The following ZBTB8A variants were observed in gnomAD, a reference collection of about 807,000 sequenced individuals.
The protein encoded by ZBTB8A is zinc finger and BTB domain containing 8A, also known as zinc finger and BTB domain-containing protein 8A.
Under a neutral mutation model 37.8 loss-of-function variants are expected in ZBTB8A, and 19 were observed. The observed-to-expected ratio is 0.50, with a 90% CI of 0.35 to 0.74. ZBTB8A has a LOEUF of 0.74. Ranked by LOEUF, ZBTB8A falls within the 30% of genes least tolerant of loss-of-function variation. The pLI is 0.01. For synonymous variants in ZBTB8A, 181 were observed against 185.2 expected, an observed-to-expected ratio of 0.98 and a Z score of 0.19; for missense variants, 394 against 537.8, an observed-to-expected ratio of 0.73 and a Z score of 2.65.
intron 1 of ZBTB8A, among the ~76,000 whole-genome samples, chr1:32,552,943 ATAT>A (rs1644168994): frequency 6.7e-6 from 1 of 148,620 alleles, no homozygotes; most frequent in African/African-American, 2.4e-5. Context: ...TCTATATTAT[ATAT>A]TAATATTAAT....
intron 2 of ZBTB8A, among the ~76,000 whole-genome samples, chr1:32,561,087 A>G (rs1306449014): frequency 9.0e-6 from 1 of 111,720 alleles, no homozygotes; most frequent in Non-Finnish European, 1.7e-5. Flanking sequence ...CCCCACCCCA[A>G]TGCTTACAGG....
Position 32,600,665 on chromosome 1 carries a change from C to T in ZBTB8A, c.*246C>T, listed in dbSNP as rs942626115. ...TTGGCTTGATGGATGAACAATTATCCTCTTACTTTCATTACAATCCTCTTA... is the reference window on the plus strand; with the variant it reads ...TTGGCTTGATGGATGAACAATTATCTTCTTACTTTCATTACAATCCTCTTA... On this transcript the variant is annotated 3_prime_UTR_variant, in exon 5 of 5. Transcript: ENST00000373510. The T allele has an allele frequency of 1.2e-5, 5 of 409,166 alleles. No homozygotes were observed. Among genetic ancestry groups the T allele is most frequent in the Non-Finnish European group, 2.2e-5 (5 of 228,256 alleles). The allele number at this position is 409,166 out of a possible 1,614,324, so 25.3% of individuals were successfully genotyped here.
intron 2 of ZBTB8A, among the ~76,000 whole-genome samples, chr1:32,558,785 G>GT (rs2148223042): frequency 1.3e-5 from 2 of 152,276 alleles, no homozygotes; most frequent in East Asian, 3.9e-4. Flanking sequence ...TTGGAATTCA[G>GT]TAAGTTTGAG....
chr1:32,570,353 T>A (rs1557708787), intron 2 of ZBTB8A, among the ~76,000 whole-genome samples: 3 of 152,284 alleles, frequency 2.0e-5, no homozygotes, highest in East Asian at 3.9e-4. Flanking sequence ...GTAGGTTAAG[T>A]TCCCTTTTCC....
At chr1:32,551,436 T>C (rs1203317694) in intron 1 of ZBTB8A, among the ~76,000 whole-genome samples, 2 of 151,050 alleles carry the variant, frequency 1.3e-5, no homozygotes, top group Non-Finnish European at 2.9e-5. Context: ...AAAAAAGTGC[T>C]GGGTATGGTG....
At chr1:32,597,300 A>G (rs1419279484) in intron 4 of ZBTB8A, among the ~76,000 whole-genome samples, 1 of 152,088 alleles carries the variant, frequency 6.6e-6, no homozygotes, top group Admixed American at 6.6e-5. Context: ...TGCTGGTCTT[A>G]TATTTTTAGA....
At chr1:32,579,323 C>T (rs1002246251) in intron 2 of ZBTB8A, among the ~76,000 whole-genome samples, 13 of 151,930 alleles carry the variant, frequency 8.6e-5, no homozygotes, top group Admixed American at 2.6e-4. Flanking sequence ...TGGTGGCAGA[C>T]GCCTGTAATC....
intron 2 of ZBTB8A, among the ~76,000 whole-genome samples, chr1:32,555,233 G>C (rs1644192094): frequency 6.6e-6 from 1 of 151,988 alleles, no homozygotes; most frequent in South Asian, 2.1e-4. Flanking sequence ...ACTAGAAATA[G>C]AAAAAATTAG....
At chr1:32,579,379 AGGCGGAGGTT>A (rs1644386520) in intron 2 of ZBTB8A, among the ~76,000 whole-genome samples, 1 of 150,842 alleles carries the variant, frequency 6.6e-6, no homozygotes, top group Non-Finnish European at 1.5e-5. Context: ...TCAACCCGGG[AGGCGGAGGTT>A]GCAGTGAGCT....
At chr1:32,560,527 G>T (rs1282888719) in intron 2 of ZBTB8A, among the ~76,000 whole-genome samples, 2 of 142,710 alleles carry the variant, frequency 1.4e-5, no homozygotes, top group Middle Eastern at 3.4e-3. Context: ...TGTTGTTGTT[G>T]TTGTTATAAG....
chr1:32,566,928 G>A (rs575442663), intron 2 of ZBTB8A, among the ~76,000 whole-genome samples: 1 of 152,294 alleles, frequency 6.6e-6, no homozygotes, highest in African/African-American at 2.4e-5. Context: ...TTAGACCAGG[G>A]TAAAGACTTT....
chr1:32,587,735 C>A (rs773496093), intron 2 of ZBTB8A, among the ~76,000 whole-genome samples: 6 of 152,062 alleles, frequency 3.9e-5, no homozygotes, highest in Non-Finnish European at 8.8e-5. Flanking sequence ...AAAGTGATAT[C>A]TTTTTGTATG....
intron 2 of ZBTB8A, among the ~76,000 whole-genome samples, chr1:32,558,408 C>T (rs992230838): frequency 3.3e-5 from 5 of 151,160 alleles, no homozygotes; most frequent in African/African-American, 1.2e-4. Flanking sequence ...ACACAGTACA[C>T]CAAATACTTT....
At chr1:32,543,843 A>AT (rs1376066459) in intron 1 of ZBTB8A, among the ~76,000 whole-genome samples, 1 of 151,374 alleles carries the variant, frequency 6.6e-6, no homozygotes, top group Non-Finnish European at 1.5e-5. Flanking sequence ...TGCCCGGCTA[A>AT]TTTTTTGTAT....
chr1:32,539,435 C>A lies in ZBTB8A; in HGVS notation c.-221C>A, dbSNP rs890757672. On this transcript the variant is annotated 5_prime_UTR_variant, in exon 1 of 5. Coordinates refer to ENST00000373510, the MANE Select transcript of ZBTB8A (RefSeq NM_001040441.3). ...TGTCCAACGCCCACGTCAGCAAATA[C>A]CTTTTGTTTCTCTCACGTTGGGGCT... 6 of 152,596 alleles carry A rather than the reference C, an allele frequency of 3.9e-5. No individual in the cohort carries two copies. The highest frequency in any genetic ancestry group is 1.4e-4 in the African/African-American group (6 of 41,442). 9.5% of individuals were successfully genotyped at this position (152,596 alleles called of 1,614,324 possible).
chr1:32,558,460 C>T (rs1028354862), intron 2 of ZBTB8A, among the ~76,000 whole-genome samples: 3 of 151,994 alleles, frequency 2.0e-5, no homozygotes, highest in African/African-American at 7.3e-5. Flanking sequence ...CACACACACA[C>T]ACACACACAC....
At chr1:32,588,247 A>G (rs1256911868) in intron 2 of ZBTB8A, among the ~76,000 whole-genome samples, 3 of 152,090 alleles carry the variant, frequency 2.0e-5, no homozygotes, top group African/African-American at 7.2e-5. Flanking sequence ...TGGGGCCTGC[A>G]TCAGAAGTTG....
chr1:32,576,307 C>T (rs955957212), intron 2 of ZBTB8A, among the ~76,000 whole-genome samples: 14 of 152,158 alleles, frequency 9.2e-5, no homozygotes, highest in African/African-American at 2.7e-4. Flanking sequence ...TTATAAGAAC[C>T]TTACAGTATA....
chr1:32,585,301 A>C (rs1477970764), intron 2 of ZBTB8A, among the ~76,000 whole-genome samples: 2 of 152,016 alleles, frequency 1.3e-5, no homozygotes, highest in Non-Finnish European at 2.9e-5. Context: ...GGTGTGAGCT[A>C]TAGCACCTGG....
Sources: allele counts gnomAD v4.1 joint callset (sites outside exome capture counted in the v4.1 genomes callset), GRCh38; gene constraint gnomAD v4.1.1; transcripts MANE v1.5; gene names NCBI Gene and HGNC (gene_info 2026-07-23, HGNC 2026-07-21).